Variants in RNF6 observed in about 807,000 individuals in gnomAD.
The protein encoded by RNF6 is E3 ubiquitin-protein ligase RNF6.
A neutral mutation model predicts 50.1 loss-of-function variants in RNF6; 21 were observed. That is an observed-to-expected ratio of 0.42 (90% confidence interval 0.30 to 0.60). The LOEUF (loss-of-function observed/expected upper bound fraction) is 0.60, where lower values mean the gene tolerates loss of function less well. Among genes scored for constraint, RNF6 ranks in the 20% least tolerant of loss-of-function variants. RNF6 has a pLI of 0.20. For missense variants in RNF6, 698 were observed against 838.2 expected, an observed-to-expected ratio of 0.83 and a Z score of 2.07; for synonymous variants, 255 against 291.8, an observed-to-expected ratio of 0.87 and a Z score of 1.29.
chr13:26,143,547 G>C (rs1325799475), intron 5 of RNF6, among the ~76,000 whole-genome samples: 1 of 152,164 alleles, frequency 6.6e-6, no homozygotes, highest in Admixed American at 6.5e-5. Context: ...TGACTCACTA[G>C]GGGTAATAGC....
rs147569474 is a variant in RNF6 at position 26,152,793 on chromosome 13, A to C, written n.769-20342T>G. On this transcript the variant is annotated intron_variant and non_coding_transcript_variant, in intron 5 of 5. Coordinates refer to the RNF6 transcript ENST00000468480. Reference sequence around the variant, plus strand: ...AGATCATTGTTACAGACATTAGAGAAGGGAGAAGTCAGCATGGACTATAGC... The same window carrying C: ...AGATCATTGTTACAGACATTAGAGACGGGAGAAGTCAGCATGGACTATAGC... 3.9e-5 allele frequency among the ~76,000 whole-genome samples: 6 copies of C among 152,350 alleles called. No homozygotes were observed. In the East Asian group the frequency reaches 1.2e-3, roughly 29 times the overall value.
chr13:26,153,082 G>C (rs1593152183), intron 5 of RNF6, among the ~76,000 whole-genome samples: 2 of 151,898 alleles, frequency 1.3e-5, no homozygotes, highest in East Asian at 3.9e-4. Context: ...GAACCCAGGA[G>C]GTGGAGGTTG....
chr13:26,149,870 G>GTATATA (rs749089662), intron 5 of RNF6, among the ~76,000 whole-genome samples: 3 of 74,000 alleles, frequency 4.1e-5, no homozygotes, highest in Admixed American at 1.6e-4. Flanking sequence ...ATGTGTGTGT[G>GTATATA]TATATATATA....
chr13:26,199,949 T>A (rs914222136), intron 5 of RNF6, among the ~76,000 whole-genome samples: 100 of 152,232 alleles, frequency 6.6e-4, no homozygotes, highest in African/African-American at 2.3e-3. Context: ...AATGCCCTTA[T>A]AAAAGAGATC....
At chr13:26,217,521 C>T (rs1038274564) in intron 4 of RNF6, among the ~76,000 whole-genome samples, 1 of 152,252 alleles carries the variant, frequency 6.6e-6, no homozygotes, top group Non-Finnish European at 1.5e-5. Flanking sequence ...ATCCTACTCT[C>T]ACGCTAGTGC....
intron 5 of RNF6, among the ~76,000 whole-genome samples, chr13:26,163,602 G>A (rs1475725655): frequency 6.6e-6 from 1 of 152,102 alleles, no homozygotes; most frequent in African/African-American, 2.4e-5. Context: ...CAGGGACCTG[G>A]GTTCGCCTCA....
chr13:26,208,284 C>G (rs1869188053), downstream of RNF6, among the ~76,000 whole-genome samples: 2 of 152,166 alleles, frequency 1.3e-5, no homozygotes, highest in Admixed American at 6.5e-5. Flanking sequence ...TTGCTTTCCT[C>G]CTGGGAGTCT....
chr13:26,157,918 G>GGATGGATA lies in RNF6; in HGVS notation n.769-25475_769-25468dup, dbSNP rs1161296405. On this transcript the variant is annotated intron_variant and non_coding_transcript_variant, in intron 5 of 5. Transcript: ENST00000468480. ...TGGATGGATGGATGGATGGATGGAT[G>GGATGGATA]GATGGATAGATGGATAGATGGATGG... Among the ~76,000 whole-genome samples, 166 of 149,716 alleles carry GGATGGATA rather than the reference G, an allele frequency of 1.1e-3. 1 individual carries two copies. The highest frequency in any genetic ancestry group is 3.3e-3 in the African/African-American group (131 of 39,488).
intron 5 of RNF6, among the ~76,000 whole-genome samples, chr13:26,164,786 G>C (rs1220630571): frequency 6.6e-6 from 1 of 152,058 alleles, no homozygotes; most frequent in Non-Finnish European, 1.5e-5. Flanking sequence ...TTTAGTTCAT[G>C]TCTGCTTAAA....
chr13:26,184,411 C>G (rs1285754203), intron 5 of RNF6, among the ~76,000 whole-genome samples: 2 of 152,026 alleles, frequency 1.3e-5, no homozygotes, highest in African/African-American at 4.8e-5. Context: ...ACACTGAACT[C>G]TCAAGTGAAA....
Position 26,215,565 on chromosome 13 carries a change from T to C in RNF6, c.317A>G (p.His106Arg). Reference sequence around the variant, plus strand: ...CAACCATTCTAGAAGAGAATCTTCATGTGAACTTTCTCTAGGGACTTCTGA... The same window carrying C: ...CAACCATTCTAGAAGAGAATCTTCACGTGAACTTTCTCTAGGGACTTCTGA... ...RDSEVPRESS[H>R]EDSLLEWLNT... is the part of the protein sequence containing the mutation. The change falls in exon 5 of 5, where the codon CAT (histidine) becomes CGT (arginine). Residue 106 changes from histidine (H) to arginine (R), a missense_variant. By Grantham distance (29) the His-to-Arg change is conservative. Coordinates refer to ENST00000381588, the MANE Select transcript of RNF6 (RefSeq NM_005977.4). The C allele has an allele frequency of 1.9e-6, 3 of 1,607,388 alleles. No individual in the cohort carries two copies. Among genetic ancestry groups the C allele is most frequent in the Non-Finnish European group, 2.5e-6 (3 of 1,179,540 alleles).
At chr13:26,171,984 A>G (rs909673424) in intron 5 of RNF6, among the ~76,000 whole-genome samples, 1 of 152,204 alleles carries the variant, frequency 6.6e-6, no homozygotes, top group African/African-American at 2.4e-5. Flanking sequence ...AATAACGGTG[A>G]TAAGTAATAG....
chr13:26,153,310 T>C (rs1224390567), intron 5 of RNF6, among the ~76,000 whole-genome samples: 1 of 151,830 alleles, frequency 6.6e-6, no homozygotes, highest in East Asian at 1.9e-4. Context: ...CTTCTCCGGG[T>C]TTAAGTGATT....
At chr13:26,150,535 TAA>T (rs1485774288) in intron 5 of RNF6, among the ~76,000 whole-genome samples, 1 of 152,158 alleles carries the variant, frequency 6.6e-6, no homozygotes, top group African/African-American at 2.4e-5. Context: ...TTCAGCCGCT[TAA>T]GACTTTGACC....
intron 5 of RNF6, among the ~76,000 whole-genome samples, chr13:26,137,236 G>A (rs1194218166): frequency 6.6e-6 from 1 of 152,110 alleles, no homozygotes; most frequent in Admixed American, 6.6e-5. Context: ...CTACAGAAAA[G>A]TGCATTAATA....
chr13:26,220,154 T>C (rs1870330418), intron 2 of RNF6, among the ~76,000 whole-genome samples: 1 of 152,252 alleles, frequency 6.6e-6, no homozygotes. Flanking sequence ...AATGTAATAT[T>C]ATCCCCCACT....
chr13:26,212,077 T>C (rs535041947), downstream of RNF6, among the ~76,000 whole-genome samples: 15 of 152,346 alleles, frequency 9.8e-5, no homozygotes, highest in South Asian at 2.7e-3. Context: ...AAAATAATGA[T>C]GTCTTTTATC....
intron 5 of RNF6, among the ~76,000 whole-genome samples, chr13:26,163,447 A>C (rs963529948): frequency 6.6e-6 from 1 of 152,240 alleles, no homozygotes; most frequent in Admixed American, 6.5e-5. Flanking sequence ...AGAATAAATT[A>C]GATGGATAAT....
chr13:26,185,141 C>G (rs974200223), intron 5 of RNF6, among the ~76,000 whole-genome samples: 1 of 151,956 alleles, frequency 6.6e-6, no homozygotes, highest in Non-Finnish European at 1.5e-5. Flanking sequence ...GGACAACAGG[C>G]GCACACCACC....
Sources: allele counts gnomAD v4.1 joint callset (sites outside exome capture counted in the v4.1 genomes callset), GRCh38; gene constraint gnomAD v4.1.1; transcripts MANE v1.5; gene names NCBI Gene and HGNC (gene_info 2026-07-23, HGNC 2026-07-21).